KSR1: variants seen among roughly 807,000 people sequenced by gnomAD.
The protein encoded by KSR1 is kinase suppressor of ras 1.
A neutral mutation model predicts 92.9 loss-of-function variants in KSR1; 35 were observed. The observed-to-expected ratio is 0.38, with a 90% confidence interval of 0.29 to 0.50. The LOEUF is 0.50. KSR1 is among the 20% of genes least tolerant of loss of function. KSR1 has a pLI of 0.94. For missense variants in KSR1, 972 were observed against 1,158.5 expected (o/e 0.84, Z 2.34); for synonymous variants, 467 against 472.6 (o/e 0.99, Z 0.15).
At chr17:27,526,722 T>C in intron 1 of KSR1, 2 of 1,329,800 alleles carry the variant, frequency 1.5e-6, no homozygotes, top group South Asian at 1.2e-5. Flanking sequence ...GGTTGAGAGG[T>C]CCTCTCACGT....
chr17:27,621,284 G>C lies in KSR1; in HGVS notation c.2708+11G>C. ...GATTCTGGAGGAATAGTGTGTTCCT[G>C]TTACTTCCTTCGCTGGCTGCCTGTC... On this transcript the variant is annotated intron_variant, in intron 20 of 20. Transcript: ENST00000644974. 1 of 398,754 alleles carries C rather than the reference G, an allele frequency of 2.5e-6. No homozygotes were observed. The highest frequency in any genetic ancestry group is 2.1e-5 in the African/African-American group (1 of 48,768). The allele number at this position is 398,754 out of a possible 1,614,324, so 24.7% of individuals were successfully genotyped here.
chr17:27,487,701 C>G (rs947042779), intron 1 of KSR1, among the ~76,000 whole-genome samples: 1 of 152,018 alleles, frequency 6.6e-6, no homozygotes. Flanking sequence ...CCCTGTCGCC[C>G]AGGCTGGAGC....
intron 2 of KSR1, among the ~76,000 whole-genome samples, chr17:27,572,427 T>G (rs1236024622): frequency 6.6e-6 from 1 of 152,208 alleles, no homozygotes; most frequent in Admixed American, 6.5e-5. Flanking sequence ...CATATTTTGT[T>G]CTTTAGACAG....
intron 1 of KSR1, among the ~76,000 whole-genome samples, chr17:27,505,363 G>A (rs1252639587): frequency 1.3e-5 from 2 of 152,180 alleles, no homozygotes; most frequent in East Asian, 3.9e-4. Context: ...CTGTGACTCT[G>A]CCCCTTCTCT....
intron 2 of KSR1, among the ~76,000 whole-genome samples, chr17:27,556,999 G>T (rs145190871): frequency 4.5e-4 from 69 of 152,332 alleles, no homozygotes; most frequent in African/African-American, 1.6e-3. Context: ...AGGGGGAGGA[G>T]TGCCAAGGTC....
At chr17:27,462,085 G>C (rs955531137) in intron 1 of KSR1, among the ~76,000 whole-genome samples, 1 of 152,236 alleles carries the variant, frequency 6.6e-6, no homozygotes, top group African/African-American at 2.4e-5. Context: ...TGATCTTGGA[G>C]TAGAGAGGGC....
chr17:27,619,618 G>A (rs542660098), intron 19 of KSR1, among the ~76,000 whole-genome samples: 43 of 151,858 alleles, frequency 2.8e-4, no homozygotes, highest in Admixed American at 2.4e-3. Context: ...GGCTGGTCTC[G>A]AACTCCTGAC....
intron 1 of KSR1, among the ~76,000 whole-genome samples, chr17:27,502,860 G>C (rs372036626): frequency 6.6e-6 from 1 of 152,204 alleles, no homozygotes; most frequent in Non-Finnish European, 1.5e-5. Context: ...CTCTGAAAAA[G>C]AAATCTCTGC....
chr17:27,484,389 G>A (rs1196541137), intron 1 of KSR1, among the ~76,000 whole-genome samples: 1 of 152,132 alleles, frequency 6.6e-6, no homozygotes, highest in Non-Finnish European at 1.5e-5. Context: ...GCACCACCAT[G>A]CCCGGCTAAT....
intron 1 of KSR1, chr17:27,526,623 C>T (rs2070309725): frequency 3.2e-6 from 5 of 1,571,316 alleles, no homozygotes; most frequent in Middle Eastern, 1.7e-4. Flanking sequence ...GTTCAGTCCT[C>T]GTGCATCTTT....
chr17:27,529,146 AAATT>A (rs1412859190), intron 1 of KSR1, among the ~76,000 whole-genome samples: 1 of 152,248 alleles, frequency 6.6e-6, no homozygotes, highest in African/African-American at 2.4e-5. Flanking sequence ...TGAAAAAAGA[AAATT>A]AATGCCTTAA....
intron 2 of KSR1, among the ~76,000 whole-genome samples, chr17:27,566,140 T>C (rs1052033835): frequency 6.6e-6 from 1 of 152,262 alleles, no homozygotes; most frequent in Admixed American, 6.5e-5. Context: ...CGTGTTCTTA[T>C]TGACTCAGGT....
chr17:27,512,843 T>C (rs1490491885), intron 1 of KSR1, among the ~76,000 whole-genome samples: 1 of 152,184 alleles, frequency 6.6e-6, no homozygotes, highest in Non-Finnish European at 1.5e-5. Context: ...CTCAGAAAAG[T>C]ACACAAAACA....
chr17:27,480,933 C>T (rs2068492190), intron 1 of KSR1, among the ~76,000 whole-genome samples: 1 of 152,192 alleles, frequency 6.6e-6, no homozygotes. Context: ...CAGGATAATG[C>T]AGGGTGTGTT....
intron 1 of KSR1, among the ~76,000 whole-genome samples, chr17:27,501,239 C>T (rs2069165823): frequency 1.4e-5 from 2 of 142,862 alleles, no homozygotes; most frequent in Non-Finnish European, 3.0e-5. Flanking sequence ...ATTAGGTCAT[C>T]AGGAGTTGTC....
At chr17:27,601,438 C>T (rs1411100720) in intron 11 of KSR1, 37 bp downstream of exon 11, 2 of 1,586,218 alleles carry the variant, frequency 1.3e-6, no homozygotes, top group East Asian at 4.5e-5. Flanking sequence ...CTGCCCTTTG[C>T]TGTGACCCCT....
Position 27,623,484 on chromosome 17 carries a change from T to C in KSR1, c.*92T>C, listed in dbSNP as rs769034339. ...ACCACCACGACAAAAAAACACTGCC[T>C]GCCCAGCGCTGCAAACCAGGAGCAC... On this transcript the variant is annotated 3_prime_UTR_variant, in exon 21 of 21. Transcript: ENST00000644974. 5.7e-6 allele frequency: 4 copies of C among 700,508 alleles called. No individual in the cohort carries two copies. In the South Asian group the frequency reaches 6.0e-5, roughly 10 times the overall value. The allele number at this position is 700,508 out of a possible 1,614,324, so 43.4% of individuals were successfully genotyped here. A position where few individuals can be genotyped will look rare whatever the true frequency, so the allele number is the denominator to read the frequency against.
intron 5 of KSR1, among the ~76,000 whole-genome samples, chr17:27,586,624 C>T (rs771178914): frequency 6.6e-6 from 1 of 152,166 alleles, no homozygotes; most frequent in Non-Finnish European, 1.5e-5. Flanking sequence ...CTAGGACAGC[C>T]CCAGCCTTGT....
chr17:27,547,243 C>T (rs1037458621), intron 1 of KSR1, among the ~76,000 whole-genome samples: 7 of 152,214 alleles, frequency 4.6e-5, no homozygotes, highest in African/African-American at 7.2e-5. Context: ...GATGTGGTAG[C>T]AGTGGTTTCA....
Sources: gnomAD v4.1 joint callset for allele counts (sites outside exome capture counted in the v4.1 genomes callset) on GRCh38, gnomAD v4.1.1 for gene constraint, MANE v1.5 for transcripts, NCBI Gene and HGNC (gene_info 2026-07-23, HGNC 2026-07-21) for gene names.